Variants in SLC6A20 observed in about 807,000 individuals in gnomAD.
SLC6A20 encodes sodium- and chloride-dependent transporter XTRP3.
Under a neutral mutation model 64.3 loss-of-function variants are expected in SLC6A20, and 73 were observed. The ratio of observed to expected loss-of-function variants is 1.14; its 90% confidence interval spans 0.94 to 1.38. The LOEUF (loss-of-function observed/expected upper bound fraction) is 1.38. Among genes scored for constraint, SLC6A20 ranks in the 40% most tolerant of loss-of-function variants. SLC6A20 has a pLI of 0.00. For synonymous variants in SLC6A20, 347 were observed against 329.6 expected, an observed-to-expected ratio of 1.05 and a Z score of -0.57; for missense variants, 725 against 772.8, an observed-to-expected ratio of 0.94 and a Z score of 0.73.
intron 2 of SLC6A20, 71 bp downstream of exon 2, chr3:45,782,012 A>C (rs1700093689): frequency 6.8e-7 from 1 of 1,470,046 alleles, no homozygotes; most frequent in South Asian, 1.5e-5. Flanking sequence ...AGCTTTGCTG[A>C]TGGGATCCCA....
intron 10 of SLC6A20, among the ~76,000 whole-genome samples, chr3:45,759,408 G>A (rs966488539): frequency 6.6e-6 from 1 of 152,204 alleles, no homozygotes; most frequent in African/African-American, 2.4e-5. Flanking sequence ...AATAACCATG[G>A]TAATAATCAA....
rs1273175288 is a variant in SLC6A20 at position 45,765,513 on chromosome 3, C to T, written c.1303+24G>A. ...GCCTTGGCCCTCCTGACCCCTGCCT[C>T]CTCCACTGGCTGGCCCCGCTGACCT... On this transcript the variant is annotated intron_variant, in intron 8 of 10. Coordinates refer to ENST00000358525, the MANE Select transcript of SLC6A20 (RefSeq NM_020208.4). The surrounding 1 kb of genome is among the most constrained non-coding windows in gnomAD (Gnocchi z 4.2). 1.9e-6 allele frequency: 3 copies of T among 1,601,500 alleles called. No individual in the cohort carries two copies. The highest frequency in any genetic ancestry group is 1.9e-4 in the Middle Eastern group (1 of 5,226).
intron 3 of SLC6A20, among the ~76,000 whole-genome samples, chr3:45,779,463 G>T (rs1213701707): frequency 6.6e-6 from 1 of 152,170 alleles, no homozygotes; most frequent in South Asian, 2.1e-4. Flanking sequence ...GTTTAGGAAT[G>T]GCCCTATTGT....
At chr3:45,785,432 GA>G (rs986041423) in intron 1 of SLC6A20, among the ~76,000 whole-genome samples, 23 of 152,234 alleles carry the variant, frequency 1.5e-4, no homozygotes, top group African/African-American at 5.1e-4. Context: ...GTGAAAAGGT[GA>G]GCCTGGCTTA....
At chr3:45,770,958 G>A (rs1409737950) in intron 6 of SLC6A20, among the ~76,000 whole-genome samples, 2 of 152,134 alleles carry the variant, frequency 1.3e-5, no homozygotes, top group Non-Finnish European at 2.9e-5. Context: ...GGGGAGATGG[G>A]GTAGAAGAAA....
At chr3:45,795,626 T>G (rs551185744) in intron 1 of SLC6A20, among the ~76,000 whole-genome samples, 4 of 152,138 alleles carry the variant, frequency 2.6e-5, no homozygotes, top group Non-Finnish European at 5.9e-5. Context: ...GTTATAGACA[T>G]GTGTAGAAGG....
intron 2 of SLC6A20, among the ~76,000 whole-genome samples, 163 bp from the exon 3 acceptor site, chr3:45,780,263 T>G (rs1700057196): frequency 6.6e-6 from 1 of 152,228 alleles, no homozygotes; most frequent in Non-Finnish European, 1.5e-5. Flanking sequence ...ACCAGGCACC[T>G]GTGAACACTT....
chr3:45,784,891 A>G (rs1301340434), intron 1 of SLC6A20, among the ~76,000 whole-genome samples: 1 of 152,126 alleles, frequency 6.6e-6, no homozygotes, highest in Non-Finnish European at 1.5e-5. Flanking sequence ...GAGCAAAGGG[A>G]GCAAGAGGGA....
chr3:45,777,974 C>T lies in SLC6A20; in HGVS notation c.355-1986G>A, dbSNP rs115727679. On this transcript the variant is annotated intron_variant, in intron 3 of 10. Coordinates refer to ENST00000358525, the MANE Select transcript of SLC6A20 (RefSeq NM_020208.4). ...ACACCTCCCCACCCTGCACCCCGCACCCCGCAACTTCATCTCCCCAGTGTG... is the reference window on the plus strand; with the variant it reads ...ACACCTCCCCACCCTGCACCCCGCATCCCGCAACTTCATCTCCCCAGTGTG... Among the ~76,000 whole-genome samples, 436 of 152,294 alleles carry T rather than the reference C, an allele frequency of 2.9e-3. 3 individuals carry two copies. The highest frequency in any genetic ancestry group is 0.014 in the Middle Eastern group (4 of 294).
intron 4 of SLC6A20, among the ~76,000 whole-genome samples, 189 bp downstream of exon 4, chr3:45,775,572 C>T (rs757808155): frequency 2.6e-5 from 4 of 152,114 alleles, no homozygotes; most frequent in Non-Finnish European, 5.9e-5. Context: ...CTGGCCCTCT[C>T]TATAGTCATC....
intron 3 of SLC6A20, among the ~76,000 whole-genome samples, chr3:45,776,787 C>A (rs1699975694): frequency 6.6e-6 from 1 of 152,190 alleles, no homozygotes; most frequent in Admixed American, 6.5e-5. Flanking sequence ...TTAGGACTTG[C>A]TACAGCAAGG....
chr3:45,789,217 A>G (rs1354409674), intron 1 of SLC6A20, among the ~76,000 whole-genome samples: 1 of 152,198 alleles, frequency 6.6e-6, no homozygotes, highest in Non-Finnish European at 1.5e-5. Flanking sequence ...CTCAAATTTA[A>G]ATTAACTGCT....
At chr3:45,787,032 T>C (rs2125655680) in intron 1 of SLC6A20, among the ~76,000 whole-genome samples, 1 of 152,304 alleles carries the variant, frequency 6.6e-6, no homozygotes, top group African/African-American at 2.4e-5. Flanking sequence ...GATTCCACCC[T>C]CCAGTCCCCT....
intron 7 of SLC6A20, among the ~76,000 whole-genome samples, chr3:45,767,957 A>C (rs764177): frequency 0.38 from 58,314 of 152,074 alleles, 11,499 homozygotes; most frequent in East Asian, 0.57. Flanking sequence ...ATTATAGAAC[A>C]AAATTTAAGA....
chr3:45,782,666 T>A (rs865826624), intron 1 of SLC6A20, among the ~76,000 whole-genome samples: 2 of 138,216 alleles, frequency 1.4e-5, no homozygotes, highest in South Asian at 4.7e-4. Flanking sequence ...CATCCAACCA[T>A]CCATCCATCC....
In SLC6A20 at chr3:45,776,721, G is replaced by A. The variant is rs911721663; in HGVS notation, c.355-733C>T. Among the ~76,000 whole-genome samples, 4 of 152,312 alleles carry A rather than the reference G, an allele frequency of 2.6e-5. No homozygotes were observed. In the East Asian group the frequency reaches 5.8e-4, roughly 22 times the overall value. ...CAGAACCTGAGACTTACGCATCTCAGGACTTGAGGAAATCAGCAAAGACCA... is the reference window on the plus strand; with the variant it reads ...CAGAACCTGAGACTTACGCATCTCAAGACTTGAGGAAATCAGCAAAGACCA... On this transcript the variant is annotated intron_variant, in intron 3 of 10. Transcript: ENST00000358525.
Position 45,759,838 on chromosome 3 carries a change from C to T in SLC6A20, c.1629+19G>A, listed in dbSNP as rs765605755. 1 of 1,604,794 alleles carries T rather than the reference C, an allele frequency of 6.2e-7. No homozygotes were observed. The highest frequency in any genetic ancestry group is 1.1e-5 in the South Asian group (1 of 89,686). On this transcript the variant is annotated intron_variant, in intron 10 of 10. Coordinates refer to ENST00000358525, the MANE Select transcript of SLC6A20 (RefSeq NM_020208.4). ...TGGCCATGGGGGCCCAGCGCCAGCC[C>T]TACGGAGACAGTAGATACCTGGGAG...
chr3:45,769,918 G>T (rs933330743), intron 7 of SLC6A20, among the ~76,000 whole-genome samples: 1 of 152,156 alleles, frequency 6.6e-6, no homozygotes, highest in African/African-American at 2.4e-5. Flanking sequence ...TGGTATATAT[G>T]GGTGTTTGTT....
At chr3:45,776,379 A>G (rs942384909) in intron 3 of SLC6A20, among the ~76,000 whole-genome samples, 2 of 152,182 alleles carry the variant, frequency 1.3e-5, no homozygotes, top group South Asian at 4.1e-4. Flanking sequence ...GCACTGGCCC[A>G]GATTGCTTAG....
Sources: allele counts gnomAD v4.1 joint callset (sites outside exome capture counted in the v4.1 genomes callset), GRCh38; gene constraint gnomAD v4.1.1; non-coding constraint Gnocchi (gnomAD v3.1); transcripts MANE v1.5; gene names NCBI Gene and HGNC (gene_info 2026-07-23, HGNC 2026-07-21).